PPP2R5C: variants seen among roughly 807,000 people sequenced by gnomAD.
The protein encoded by PPP2R5C is serine/threonine-protein phosphatase 2A 56 kDa regulatory subunit gamma isoform.
A neutral mutation model predicts 68.9 loss-of-function variants in PPP2R5C; 7 were observed. The observed-to-expected ratio is 0.10, with a 90% CI of 0.06 to 0.19. The LOEUF is 0.19. PPP2R5C is among the 10% of genes least tolerant of loss of function. The pLI, the probability that PPP2R5C is intolerant of heterozygous loss-of-function variation, is 1.00. For synonymous variants in PPP2R5C, 210 were observed against 222.2 expected, an observed-to-expected ratio of 0.95 and a Z score of 0.49; for missense variants, 348 against 641.3, an observed-to-expected ratio of 0.54 and a Z score of 4.94.
upstream of PPP2R5C, chr14:101,761,794 G>GGCGGCGGCC: frequency 1.0e-6 from 1 of 971,450 alleles, no homozygotes; most frequent in African/African-American, 1.8e-5. Context: ...CGGCGGCGGC[G>GGCGGCGGCC]GCGGCGGCCG....
chr14:101,761,977 G>A, intron 1 of PPP2R5C, 57 bp downstream of exon 1: 1 of 1,180,026 alleles, frequency 8.5e-7, no homozygotes, highest in Non-Finnish European at 1.1e-6. Flanking sequence ...CCGGGGGAGG[G>A]CGCGACGGCA....
chr14:101,861,127 A>C, intron 2 of PPP2R5C, among the ~76,000 whole-genome samples: 1 of 152,214 alleles, frequency 6.6e-6, no homozygotes, highest in Non-Finnish European at 1.5e-5. Context: ...GCTTTTAAAA[A>C]ACTCAATGTA....
At position 101,797,474 on chromosome 14, in the gene PPP2R5C, C is replaced by G. The variant is rs938855505; in HGVS notation, c.259+11291C>G. On this transcript the variant is annotated intron_variant, in intron 3 of 14. Coordinates refer to the PPP2R5C transcript ENST00000328724. The surrounding 1 kb of genome is among the most constrained non-coding windows in gnomAD (Gnocchi z 4.2). The stretch of plus-strand genomic sequence containing the variant: ...GAAGGAATGAAAAGCCCTCCTGGCC[C>G]CTCTGCCCTCTTTCTCCACCCTCTC... 2.9e-6 allele frequency: 1 copy of G among 345,440 alleles called. No individual in the cohort carries two copies. The highest frequency in any genetic ancestry group is 2.2e-5 in the African/African-American group (1 of 46,416). 21.4% of individuals were successfully genotyped at this position (345,440 alleles called of 1,614,324 possible). A position where few individuals can be genotyped will look rare whatever the true frequency, so the allele number is the denominator to read the frequency against.
intron 1 of PPP2R5C, among the ~76,000 whole-genome samples, chr14:101,762,563 C>T: frequency 6.6e-6 from 1 of 152,104 alleles, no homozygotes; most frequent in East Asian, 1.9e-4. Context: ...TTCATTATCA[C>T]CCCAGAAATC....
Position 101,797,940 on chromosome 14 carries a change from G to A in PPP2R5C, c.259+11757G>A, listed in dbSNP as rs1051820354. Among the ~76,000 whole-genome samples, 1 of 152,096 alleles carries A rather than the reference G, an allele frequency of 6.6e-6. No homozygotes were observed. The highest frequency in any genetic ancestry group is 1.9e-4 in the East Asian group (1 of 5,166). On this transcript the variant is annotated intron_variant, in intron 3 of 14. Coordinates refer to the PPP2R5C transcript ENST00000328724. This position sits in a 1 kb window ranked among gnomAD's most constrained non-coding sequence, Gnocchi z 4.2. The stretch of plus-strand genomic sequence containing the variant: ...GTCCATCCTCTTTAATCACTCCCAG[G>A]CCTCGCTCACACAGCAACAAGTGCC...
At chr14:101,779,058 A>G (rs2037552048) in intron 2 of PPP2R5C, among the ~76,000 whole-genome samples, 1 of 152,162 alleles carries the variant, frequency 6.6e-6, no homozygotes, top group Non-Finnish European at 1.5e-5. Flanking sequence ...ACCCTGTCTC[A>G]AAAAAATTAA....
intron 1 of PPP2R5C, among the ~76,000 whole-genome samples, chr14:101,845,266 A>G (rs1253506807): frequency 2.0e-5 from 3 of 152,166 alleles, no homozygotes; most frequent in Non-Finnish European, 4.4e-5. Flanking sequence ...CAGCTGAGGA[A>G]CCTGAGGCTG....
At chr14:101,784,809 CA>C (rs903044391) in intron 2 of PPP2R5C, among the ~76,000 whole-genome samples, 1 of 152,196 alleles carries the variant, frequency 6.6e-6, no homozygotes, top group African/African-American at 2.4e-5. Context: ...ACGGTGGACA[CA>C]GCAGCTGTTG....
chr14:101,831,790 T>C (rs1014226983), intron 1 of PPP2R5C: 5 of 702,116 alleles, frequency 7.1e-6, no homozygotes, highest in Non-Finnish European at 1.3e-5. Context: ...GGGACTTGAA[T>C]ATGCGTGGAT....
intron 2 of PPP2R5C, among the ~76,000 whole-genome samples, chr14:101,769,297 C>T (rs189264643): frequency 6.6e-6 from 1 of 152,316 alleles, no homozygotes; most frequent in Admixed American, 6.5e-5. Context: ...GTTAGATGAC[C>T]TTCGTTCCCC....
In PPP2R5C at chr14:101,863,875, G is replaced by A. The variant is rs150930115; in HGVS notation, c.294+6990G>A. ...ATCGCACCACTGCACTCCAGCCTGC[G>A]CACCACAGAATAAGACTCTGTCTCA... On this transcript the variant is annotated intron_variant, in intron 2 of 13. Transcript: ENST00000334743. Among the ~76,000 whole-genome samples the A allele has an allele frequency of 1.9e-3, 286 of 152,172 alleles. 2 individuals carry two copies. Among genetic ancestry groups the A allele is most frequent in the African/African-American group, 6.2e-3 (258 of 41,516 alleles).
chr14:101,840,382 TAGC>T (rs202219725), intron 1 of PPP2R5C, among the ~76,000 whole-genome samples: 12 of 147,762 alleles, frequency 8.1e-5, no homozygotes, highest in Non-Finnish European at 7.5e-5. Flanking sequence ...GGCTAGTTAA[TAGC>T]AGCCAGCGTC....
chr14:101,830,118 G>A (rs1029864951), intron 1 of PPP2R5C, among the ~76,000 whole-genome samples: 1 of 152,070 alleles, frequency 6.6e-6, no homozygotes, highest in Non-Finnish European at 1.5e-5. Context: ...TATATTCAAG[G>A]TAGATCTAAA....
chr14:101,767,191 A>T (rs947752923), intron 2 of PPP2R5C: 1 of 152,174 alleles, frequency 6.6e-6, no homozygotes. Context: ...TTTTCCTGTT[A>T]TAATCTGTCC....
chr14:101,817,500 C>T (rs564795357), intron 1 of PPP2R5C, among the ~76,000 whole-genome samples: 44 of 152,184 alleles, frequency 2.9e-4, no homozygotes, highest in Non-Finnish European at 5.7e-4. Flanking sequence ...TCTGACAAAA[C>T]AGCGTTTTTG....
chr14:101,905,152 G>A (rs965918403), intron 9 of PPP2R5C, among the ~76,000 whole-genome samples: 2 of 152,132 alleles, frequency 1.3e-5, no homozygotes, highest in Non-Finnish European at 1.5e-5. Context: ...TCAGAAGCTC[G>A]AGAGCAGCCT....
upstream of PPP2R5C, among the ~76,000 whole-genome samples, chr14:101,761,331 C>A (rs916470333): frequency 1.3e-5 from 2 of 152,096 alleles, no homozygotes; most frequent in African/African-American, 4.8e-5. Flanking sequence ...GCCTCCACAG[C>A]GGGCCACGGC....
intron 1 of PPP2R5C, among the ~76,000 whole-genome samples, chr14:101,834,971 G>T (rs1409929958): frequency 6.6e-6 from 1 of 152,190 alleles, no homozygotes; most frequent in African/African-American, 2.4e-5. Context: ...ACTTGGCAGG[G>T]TCAAGCCTAC....
chr14:101,912,165 A>G (rs1170686211), intron 11 of PPP2R5C, among the ~76,000 whole-genome samples: 1 of 152,246 alleles, frequency 6.6e-6, no homozygotes. Context: ...ACGTACTTAT[A>G]TAAGATTTCT....
Sources: gnomAD v4.1 joint callset for allele counts (sites outside exome capture counted in the v4.1 genomes callset) on GRCh38, gnomAD v4.1.1 for gene constraint, Gnocchi (gnomAD v3.1) non-coding constraint, MANE v1.5 for transcripts, NCBI Gene and HGNC (gene_info 2026-07-23, HGNC 2026-07-21) for gene names.